ICE1: variants seen among roughly 807,000 people sequenced by gnomAD.
The protein encoded by ICE1 is little elongation complex subunit 1.
A neutral mutation model predicts 192.7 loss-of-function variants in ICE1; 64 were observed. The ratio of observed to expected loss-of-function variants is 0.33; its 90% CI spans 0.27 to 0.41. The LOEUF (loss-of-function observed/expected upper bound fraction) is 0.41, where lower values mean the gene tolerates loss of function less well. Among genes scored for constraint, ICE1 ranks in the 10% least tolerant of loss-of-function variants. ICE1 has a pLI of 1.00. For synonymous variants in ICE1, 1,010 were observed against 984.5 expected, an observed-to-expected ratio of 1.03 and a Z score of -0.49; for missense variants, 2,708 against 2,696.0, an observed-to-expected ratio of 1.00 and a Z score of -0.10.
At chr5:5,474,045 C>A (rs566695370) in intron 16 of ICE1, among the ~76,000 whole-genome samples, 31 of 151,936 alleles carry the variant, frequency 2.0e-4, no homozygotes, top group Non-Finnish European at 3.7e-4. Context: ...CCCGTCTCTA[C>A]TAAAAATACA....
intron 7 of ICE1, among the ~76,000 whole-genome samples, chr5:5,446,768 A>T (rs894503757): frequency 7.9e-5 from 12 of 152,208 alleles, no homozygotes; most frequent in Non-Finnish European, 1.8e-4. Flanking sequence ...TTGTTAGAGG[A>T]GTCAGGAGAG....
intron 10 of ICE1, among the ~76,000 whole-genome samples, chr5:5,453,142 C>G (rs976835877): frequency 2.0e-5 from 3 of 151,526 alleles, no homozygotes; most frequent in Non-Finnish European, 2.9e-5. Flanking sequence ...TTTGGGTATA[C>G]GTAATAAGCA....
chr5:5,467,688 T>C (rs997455413), intron 14 of ICE1, among the ~76,000 whole-genome samples: 4 of 152,194 alleles, frequency 2.6e-5, no homozygotes, highest in African/African-American at 7.2e-5. Flanking sequence ...CAGATAAACA[T>C]AGGATTCAAA....
At chr5:5,437,629 A>G (rs1737909780) in intron 3 of ICE1, 1 of 153,222 alleles carries the variant, frequency 6.5e-6, no homozygotes, top group South Asian at 2.0e-4. Flanking sequence ...TCAGAAGACA[A>G]TTCTTGGCCT....
intron 18 of ICE1, among the ~76,000 whole-genome samples, chr5:5,487,501 A>G (rs146311228): frequency 1.2e-3 from 176 of 152,342 alleles, no homozygotes; most frequent in African/African-American, 4.0e-3. Context: ...TTAACATGGT[A>G]GGTTGTCTTC....
At position 5,462,227 on chromosome 5, in the gene ICE1, C is replaced by A; in HGVS notation, c.2893C>A (p.Leu965Ile). Reference sequence around the variant, plus strand: ...ATTATCTTTCTCTCCTGAAAATATCCTCATCCAAAACCAAGACATTGTGAG... The same window carrying A: ...ATTATCTTTCTCTCCTGAAAATATCATCATCCAAAACCAAGACATTGTGAG... ...SRLSFSPENI[L>I]IQNQDIVREA... The change falls in exon 13 of 19, where the codon CTC becomes ATC. Residue 965 changes from leucine to isoleucine, a missense_variant. Coordinates refer to ENST00000296564, the MANE Select transcript of ICE1 (RefSeq NM_015325.3). 1 of 1,610,546 alleles carries A rather than the reference C, an allele frequency of 6.2e-7. No individual in the cohort carries two copies. Among genetic ancestry groups the A allele is most frequent in the Non-Finnish European group, 8.5e-7 (1 of 1,177,888 alleles).
intron 17 of ICE1, 63 bp downstream of exon 17, chr5:5,476,142 G>A: frequency 1.1e-6 from 1 of 895,148 alleles, no homozygotes; most frequent in Non-Finnish European, 1.7e-6. Context: ...AAGGCTGGGG[G>A]GTTAACTGTA....
intron 10 of ICE1, among the ~76,000 whole-genome samples, chr5:5,449,689 CAGGTA>C (rs1738356705): frequency 6.6e-6 from 1 of 152,112 alleles, no homozygotes; most frequent in Admixed American, 6.6e-5. Context: ...AGCATTTTGC[CAGGTA>C]ATTGATTAAA....
intron 13 of ICE1, among the ~76,000 whole-genome samples, chr5:5,465,856 C>T (rs534905830): frequency 1.1e-4 from 16 of 152,214 alleles, no homozygotes; most frequent in African/African-American, 3.4e-4. Flanking sequence ...GAAGTGAATG[C>T]ATATATCAAA....
rs759451753 is a variant in ICE1, at chr5:5,461,557, A to G, written c.2223A>G (p.Ser741=). The part of the protein sequence containing the change: ...GLTKIHSLPR[S]VFMKATKDGQ... Reference sequence around the variant, plus strand: ...CCAAAATACATTCACTTCCTCGGTCAGTATTTATGAAAGCTACAAAAGATG... The same window carrying G: ...CCAAAATACATTCACTTCCTCGGTCGGTATTTATGAAAGCTACAAAAGATG... The change falls in exon 13 of 19, where the codon TCA becomes TCG. Residue 741 remains serine (S), a synonymous_variant. Transcript: ENST00000296564. 1.2e-6 allele frequency: 2 copies of G among 1,613,218 alleles called. No individual in the cohort carries two copies. Among genetic ancestry groups the G allele is most frequent in the African/African-American group, 1.3e-5 (1 of 74,940 alleles).
At chr5:5,465,810 A>G (rs1470651468) in intron 13 of ICE1, among the ~76,000 whole-genome samples, 1 of 152,238 alleles carries the variant, frequency 6.6e-6, no homozygotes, top group African/African-American at 2.4e-5. Context: ...GCTTCCTTGC[A>G]GAAAGCATAA....
intron 16 of ICE1, among the ~76,000 whole-genome samples, chr5:5,474,006 C>G (rs773775245): frequency 6.6e-6 from 1 of 151,978 alleles, no homozygotes; most frequent in Non-Finnish European, 1.5e-5. Context: ...GTCAGGAGAT[C>G]GAGACCACCC....
At chr5:5,479,563 A>G (rs1379118657) in intron 17 of ICE1, among the ~76,000 whole-genome samples, 1 of 152,208 alleles carries the variant, frequency 6.6e-6, no homozygotes, top group Middle Eastern at 3.2e-3. Context: ...AAACAGAAAT[A>G]CCATTTGACC....
chr5:5,469,327 A>G (rs1739086688), intron 15 of ICE1, among the ~76,000 whole-genome samples: 1 of 152,218 alleles, frequency 6.6e-6, no homozygotes, highest in Non-Finnish European at 1.5e-5. Context: ...AGGTAAAAAT[A>G]TATATATTTC....
At position 5,465,201 on chromosome 5, in the gene ICE1, T is replaced by C; in HGVS notation, c.5867T>C (p.Val1956Ala). 6.3e-7 allele frequency: 1 copy of C among 1,582,752 alleles called. No homozygotes were observed. The highest frequency in any genetic ancestry group is 8.6e-7 in the Non-Finnish European group (1 of 1,163,354). ...ATGAGAGATCAAGAGAAGGAAGTTG[T>C]TTATGAATTTAGCACAACAAAAAAG... ...PVMRDQEKEV[V>A]YEFSTTKKHL... Residue 1956 changes from valine (V) to alanine (A), a missense_variant, in exon 13 of 19, where the codon GTT becomes GCT. By Grantham distance (64) the Val-to-Ala change is moderately conservative. Transcript: ENST00000296564.
intron 17 of ICE1, among the ~76,000 whole-genome samples, chr5:5,478,174 G>A (rs1739394589): frequency 6.6e-6 from 1 of 152,208 alleles, no homozygotes; most frequent in African/African-American, 2.4e-5. Flanking sequence ...AAGTCAAACT[G>A]TCTTTGCAGA....
chr5:5,461,091 A>G lies in ICE1; in HGVS notation c.1757A>G (p.His586Arg). ...PDRITVSGHF[H>R]RLSRELEKEK... ...CGTATCACAGTTTCTGGCCATTTTCACAGACTATCTAGAGAATTGGAAAAG... is the reference window on the plus strand; with the variant it reads ...CGTATCACAGTTTCTGGCCATTTTCGCAGACTATCTAGAGAATTGGAAAAG... Residue 586 changes from histidine (H) to arginine (R), a missense_variant, in exon 13 of 19, where the codon CAC becomes CGC. His to Arg is a conservative substitution (Grantham distance 29). This residue lies in a region of ICE1 where 2,366 missense variants were observed against 2,276.6 expected (regional missense o/e 1.04). Coordinates refer to ENST00000296564, the MANE Select transcript of ICE1 (RefSeq NM_015325.3). The G allele has an allele frequency of 1.2e-6, 2 of 1,614,080 alleles. No homozygotes were observed. The highest frequency in any genetic ancestry group is 1.1e-5 in the South Asian group (1 of 91,084).
intron 16 of ICE1, among the ~76,000 whole-genome samples, chr5:5,475,389 C>T (rs1027445098): frequency 6.6e-6 from 1 of 152,094 alleles, no homozygotes; most frequent in African/African-American, 2.4e-5. Context: ...TTTCTTTTGT[C>T]TACATTAAAC....
intron 18 of ICE1, among the ~76,000 whole-genome samples, chr5:5,488,432 G>T (rs527359168): frequency 1.3e-5 from 2 of 152,278 alleles, no homozygotes; most frequent in East Asian, 3.9e-4. Context: ...TCCTTTGTGG[G>T]TCATGTTGAT....
Sources: allele counts gnomAD v4.1 joint callset (sites outside exome capture counted in the v4.1 genomes callset), GRCh38; gene constraint gnomAD v4.1.1; regional missense constraint gnomAD v4.1.1; transcripts MANE v1.5; gene names NCBI Gene and HGNC (gene_info 2026-07-23, HGNC 2026-07-21).